The following PNISR variants were observed in gnomAD, a reference collection of about 807,000 sequenced individuals.
PNISR encodes the protein arginine/serine-rich protein PNISR.
Under a neutral mutation model 93.4 loss-of-function variants are expected in PNISR, and 20 were observed. The ratio of observed to expected loss-of-function variants is 0.21; its 90% CI spans 0.15 to 0.31. The LOEUF (loss-of-function observed/expected upper bound fraction) is 0.31. PNISR is among the 10% of genes least tolerant of loss of function. The pLI, the probability that PNISR is intolerant of heterozygous loss-of-function variation, is 1.00. For synonymous variants in PNISR, 305 were observed against 306.5 expected, an observed-to-expected ratio of 0.99 and a Z score of 0.05; for missense variants, 893 against 985.4, an observed-to-expected ratio of 0.91 and a Z score of 1.25.
In PNISR at chr6:99,408,089, T is replaced by A. The variant is rs367568367; in HGVS notation, c.856A>T (p.Ser286Cys). 8 of 1,580,328 alleles carry A rather than the reference T, an allele frequency of 5.1e-6. No individual in the cohort carries two copies. Among genetic ancestry groups the A allele is most frequent in the Non-Finnish European group, 6.9e-6 (8 of 1,166,816 alleles). Residue 286 changes from serine to cysteine, a missense_variant, in exon 7 of 12, where the codon AGT becomes TGT. By Grantham distance (112) the Ser-to-Cys change is moderately radical. Transcript: ENST00000369239. ...GGDGPRLPQR[S>C]KFDSDEEEED... is the part of the protein sequence containing the mutation. ...TTGGGGATTCTACTTACAAATTTAC[T>A]TCTCTGAGGTAAACGAGGGCCATCC...
At position 99,400,303 on chromosome 6, in the gene PNISR, G is replaced by T; in HGVS notation, c.*237C>A. 1 of 1,066,962 alleles carries T rather than the reference G, an allele frequency of 9.4e-7. No individual in the cohort carries two copies. 66.1% of individuals were successfully genotyped at this position (1,066,962 alleles called of 1,614,324 possible). A position where few individuals can be genotyped will look rare whatever the true frequency, so the allele number is the denominator to read the frequency against. On this transcript the variant is annotated 3_prime_UTR_variant, in exon 12 of 12. Coordinates refer to ENST00000369239, the MANE Select transcript of PNISR (RefSeq NM_032870.4). Reference sequence around the variant, plus strand: ...TCCTCAGCGTTTACGACGGGGAGGGGTTGTTGATCTGAAAAAAAAGGGAAA... The same window carrying T: ...TCCTCAGCGTTTACGACGGGGAGGGTTTGTTGATCTGAAAAAAAAGGGAAA...
chr6:99,410,334 A>G (rs1776750570), intron 5 of PNISR: 1 of 167,960 alleles, frequency 6.0e-6, no homozygotes, highest in Admixed American at 5.7e-5. Flanking sequence ...ATAATTCTAC[A>G]TAGCACAAGG....
intron 4 of PNISR, chr6:99,412,239 G>T (rs1182654316): frequency 1.9e-6 from 1 of 518,582 alleles, no homozygotes; most frequent in African/African-American, 1.9e-5. Context: ...AAAGGCCAGA[G>T]GTTGCAATAG....
At chr6:99,421,144 G>A (rs1443777212) in intron 1 of PNISR, among the ~76,000 whole-genome samples, 2 of 152,210 alleles carry the variant, frequency 1.3e-5, no homozygotes, top group East Asian at 1.9e-4. Context: ...GATTAATGAC[G>A]GGCAAGGCTG....
Position 99,400,867 on chromosome 6 carries a change from CCTT to C in PNISR, c.2088_2090del (p.Arg697del), listed in dbSNP as rs1294611136. ...TACTGAACTTAAAATCTTTTTCTTCCCTTTTTTGTTTCTCTTTTCTTTTATCCT... is the reference window on the plus strand; with the variant it reads ...TACTGAACTTAAAATCTTTTTCTTCCTTTTGTTTCTCTTTTCTTTTATCCT... On this transcript the variant is annotated inframe_deletion, in exon 12 of 12. Coordinates refer to ENST00000369239, the MANE Select transcript of PNISR (RefSeq NM_032870.4). The C allele has an allele frequency of 1.1e-5, 17 of 1,595,604 alleles. No homozygotes were observed. The South Asian group carries it at 1.2e-4, about 12-fold the overall frequency.
At chr6:99,415,821 T>TA (rs1186108697) in intron 2 of PNISR, 1 of 152,176 alleles carries the variant, frequency 6.6e-6, no homozygotes, top group Non-Finnish European at 1.5e-5. Flanking sequence ...ACAAAAAAAA[T>TA]AGAGATATTA....
At chr6:99,424,246 A>T (rs764710651) in intron 1 of PNISR, among the ~76,000 whole-genome samples, 1 of 152,248 alleles carries the variant, frequency 6.6e-6, no homozygotes, top group African/African-American at 2.4e-5. Flanking sequence ...GTAGGAATAA[A>T]CTATGGACCT....
chr6:99,413,391 T>TATCCATCCATCC (rs34008318), intron 3 of PNISR, among the ~76,000 whole-genome samples: 29 of 149,616 alleles, frequency 1.9e-4, no homozygotes, highest in South Asian at 6.4e-4. Context: ...TTTACGTATC[T>TATCCATCCATCC]ATCCATCCAT....
intron 11 of PNISR, among the ~76,000 whole-genome samples, chr6:99,402,143 A>G (rs1775585925): frequency 6.6e-6 from 1 of 152,216 alleles, no homozygotes; most frequent in Admixed American, 6.5e-5. Flanking sequence ...AGATTTTTCA[A>G]AGAAGAAATT....
chr6:99,417,520 C>T (rs1777854689), intron 1 of PNISR, among the ~76,000 whole-genome samples: 1 of 152,122 alleles, frequency 6.6e-6, no homozygotes, highest in African/African-American at 2.4e-5. Flanking sequence ...AATGTCTATA[C>T]CCCAAAGGAT....
chr6:99,406,267 T>C, intron 7 of PNISR, 99 bp from the exon 8 acceptor site: 2 of 631,702 alleles, frequency 3.2e-6, no homozygotes, highest in Non-Finnish European at 2.5e-6. Context: ...AAAAAGTCTA[T>C]GAAACAGAAA....
At chr6:99,423,618 T>G (rs762457109) in intron 1 of PNISR, among the ~76,000 whole-genome samples, 93 of 152,332 alleles carry the variant, frequency 6.1e-4, no homozygotes, top group Non-Finnish European at 1.1e-3. Context: ...CTCTGTGATC[T>G]TCCCCTGATA....
At position 99,400,954 on chromosome 6, in the gene PNISR, C is replaced by T. The variant is rs768344034; in HGVS notation, c.2004G>A (p.Glu668=). ...GEAKEQERKK[E]RSRSIDKDRK... ...TATCTTTATCTATACTTCGACTCCT[C>T]TCCTTTTTCCTCTCTTGTTCTTTAG... The change falls in exon 12 of 12, where the codon GAG becomes GAA. Residue 668 remains glutamate (E), a synonymous_variant. Transcript: ENST00000369239. 15 of 1,594,044 alleles carry T rather than the reference C, an allele frequency of 9.4e-6. No homozygotes were observed. The highest frequency in any genetic ancestry group is 5.2e-6 in the Non-Finnish European group (6 of 1,161,956).
intron 4 of PNISR, among the ~76,000 whole-genome samples, chr6:99,411,496 GA>G (rs1776906130): frequency 6.6e-6 from 1 of 152,084 alleles, no homozygotes; most frequent in South Asian, 2.1e-4. Context: ...TTAAACTTAG[GA>G]ACTAAAACAT....
At position 99,400,440 on chromosome 6, in the gene PNISR, A is replaced by C. The variant is rs1775309038; in HGVS notation, c.*100T>G. On this transcript the variant is annotated 3_prime_UTR_variant, in exon 12 of 12. Transcript: ENST00000369239. ...AGACTATGATTATTTATCAAGTACCAAACTGAGTTTATTAAAGAGAGAGAG... is the reference window on the plus strand; with the variant it reads ...AGACTATGATTATTTATCAAGTACCCAACTGAGTTTATTAAAGAGAGAGAG... 3 of 1,460,266 alleles carry C rather than the reference A, an allele frequency of 2.1e-6. No homozygotes were observed. The South Asian group carries it at 4.5e-5, about 22-fold the overall frequency. The allele number at this position is 1,460,266 out of a possible 1,614,324, so 90.5% of individuals were successfully genotyped here.
rs765772863 is a variant in PNISR, at chr6:99,400,894, C to G, written c.2064G>C (p.Gln688His). 1.1e-5 allele frequency: 17 copies of G among 1,573,118 alleles called. No individual in the cohort carries two copies. Among genetic ancestry groups the G allele is most frequent in the Non-Finnish European group, 1.4e-5 (16 of 1,145,902 alleles). ...KKKDKERERE[Q>H]DKRKEKQKRE... is the part of the protein sequence containing the mutation. The stretch of plus-strand genomic sequence containing the variant: ...TTTTTTGTTTCTCTTTTCTTTTATC[C>G]TGTTCACGTTCCCTTTCTTTGTCTT... The change falls in exon 12 of 12, where the codon CAG becomes CAC. Residue 688 changes from glutamine to histidine, a missense_variant. Coordinates refer to ENST00000369239, the MANE Select transcript of PNISR (RefSeq NM_032870.4).
In PNISR at chr6:99,414,740, TA is replaced by T. The variant is rs1442286404; in HGVS notation, c.-31-51del. ...AAAATTATAGTGAGTTATTTAATCTTAAAACCTCACATCAGAAATTATTATA... is the reference window on the plus strand; with the variant it reads ...AAAATTATAGTGAGTTATTTAATCTTAAACCTCACATCAGAAATTATTATA... On this transcript the variant is annotated intron_variant, in intron 2 of 11. Transcript: ENST00000369239. The T allele has an allele frequency of 3.3e-5, 25 of 764,884 alleles. No homozygotes were observed. In the African/African-American group the frequency reaches 3.4e-4, roughly 11 times the overall value. The allele number at this position is 764,884 out of a possible 1,614,324, so 47.4% of individuals were successfully genotyped here.
chr6:99,401,369 G>A lies in PNISR; in HGVS notation c.1589C>T (p.Thr530Ile), dbSNP rs1464723504. 1 of 1,610,286 alleles carries A rather than the reference G, an allele frequency of 6.2e-7. No individual in the cohort carries two copies. ...AGAACTGTATGAAGAGCTAGAGACA[G>A]TACTACTAGTACTACTAGTTCTGCT... Reference protein sequence around the residue: ...SNSRTSSTSSTVSSSSYSSSS... With the variant: ...SNSRTSSTSSIVSSSSYSSSS... Residue 530 changes from threonine (T) to isoleucine (I), a missense_variant, in exon 12 of 12, where the codon ACT becomes ATT. Physicochemically the swap from Thr to Ile is moderately conservative, Grantham distance 89 (BLOSUM62 -1). Around this residue, in one of 3 missense-constraint regions of PNISR, gnomAD observed 866 missense variants for 935.1 expected, o/e 0.93. Coordinates refer to ENST00000369239, the MANE Select transcript of PNISR (RefSeq NM_032870.4).
chr6:99,403,547 A>ATT (rs2128480125), intron 10 of PNISR: 1 of 192,960 alleles, frequency 5.2e-6, no homozygotes, highest in Admixed American at 5.6e-5. Flanking sequence ...TTCATATATA[A>ATT]TTATATATAT....
Sources: gnomAD v4.1 joint callset for allele counts (sites outside exome capture counted in the v4.1 genomes callset) on GRCh38, gnomAD v4.1.1 for gene constraint, gnomAD v4.1.1 regional missense constraint, MANE v1.5 for transcripts, NCBI Gene and HGNC (gene_info 2026-07-23, HGNC 2026-07-21) for gene names.